Variants in RNF112 observed in about 807,000 individuals in gnomAD.
RNF112 encodes ring finger protein 112.
RNF112 carries 34 observed loss-of-function variants against 64.7 expected under a neutral mutation model. The ratio of observed to expected loss-of-function variants is 0.53; its 90% CI spans 0.40 to 0.70. The LOEUF (loss-of-function observed/expected upper bound fraction) is 0.70. RNF112 is among the 30% of genes least tolerant of loss of function. The pLI, the probability that RNF112 is intolerant of heterozygous loss-of-function variation, is 0.00. For missense variants in RNF112, 734 were observed against 850.0 expected (o/e 0.86, Z 1.70); for synonymous variants, 345 against 344.5 (o/e 1.00, Z -0.02).
chr17:19,414,037 C>T (rs888345197), intron 6 of RNF112, 58 bp from the exon 7 acceptor site: 1 of 1,497,462 alleles, frequency 6.7e-7, no homozygotes, highest in Non-Finnish European at 9.3e-7. Flanking sequence ...AGGGCCTTCC[C>T]CAGTGAAGTC....
chr17:19,411,806 GT>G (rs1913670212), intron 2 of RNF112, 136 bp downstream of exon 2: 3 of 909,148 alleles, frequency 3.3e-6, no homozygotes, highest in Non-Finnish European at 5.1e-6. Flanking sequence ...CCGCCAGGCT[GT>G]GGAGGGAGGG....
Position 19,412,632 on chromosome 17 carries a change from G to C in RNF112, c.230G>C (p.Cys77Ser). 1 of 1,613,500 alleles carries C rather than the reference G, an allele frequency of 6.2e-7. No individual in the cohort carries two copies. The part of the protein sequence containing the change: ...PISLDCGHDF[C>S]IRCFSTHRLP... ...TCGCTGGACTGTGGCCACGACTTCT[G>C]CATACGGTGCTTCAGCACACACCGT... The change falls in exon 3 of 14, where the codon TGC (cysteine) becomes TCC (serine). Residue 77 changes from cysteine (C) to serine (S), a missense_variant. Cys to Ser is a moderately radical substitution (Grantham distance 112). Transcript: ENST00000461366. The surrounding 1 kb of genome is among the most constrained non-coding windows in gnomAD (Gnocchi z 5.1).
Position 19,415,311 on chromosome 17 carries a change from C to G in RNF112, c.1322C>G (p.Thr441Arg). 1 of 1,609,550 alleles carries G rather than the reference C, an allele frequency of 6.2e-7. No homozygotes were observed. The highest frequency in any genetic ancestry group is 8.5e-7 in the Non-Finnish European group (1 of 1,177,862). Residue 441 changes from threonine to arginine, a missense_variant, in exon 12 of 14, where the codon ACA (threonine) becomes AGA (arginine). By Grantham distance (71) the Thr-to-Arg change is moderately conservative. Transcript: ENST00000461366. This position sits in a 1 kb window ranked among gnomAD's most constrained non-coding sequence, Gnocchi z 7.8. The part of the protein sequence containing the change: ...IKNLSGWMGR[T>R]GPGFTSPDEM... ...AACCTCTCAGGATGGATGGGGAGGA[C>G]AGGGCCCGGTTTCACCTCTCCGGAT...
chr17:19,414,337 A>C (rs1003418593), intron 7 of RNF112, 112 bp from the exon 8 acceptor site: 9 of 1,352,296 alleles, frequency 6.7e-6, no homozygotes, highest in African/African-American at 1.4e-5. Flanking sequence ...CAGGCTGCAA[A>C]AGGGGGAGCC....
Position 19,415,355 on chromosome 17 carries a change from G to A in RNF112, c.1350+16G>A, listed in dbSNP as rs1300449927. The A allele has an allele frequency of 1.3e-5, 20 of 1,590,328 alleles. No individual in the cohort carries two copies. Among genetic ancestry groups the A allele is most frequent in the Non-Finnish European group, 1.7e-5 (20 of 1,167,824 alleles). ...TCCGGATGAGGTATGAGCGCTGGGGGATCCAGCATTCTGGCAGGGAGACAG... is the reference window on the plus strand; with the variant it reads ...TCCGGATGAGGTATGAGCGCTGGGGAATCCAGCATTCTGGCAGGGAGACAG... On this transcript the variant is annotated intron_variant, in intron 12 of 13. Coordinates refer to ENST00000461366, the MANE Select transcript of RNF112 (RefSeq NM_007148.5). This position sits in a 1 kb window ranked among gnomAD's most constrained non-coding sequence, Gnocchi z 7.8.
In RNF112 at chr17:19,416,509, CCTG is replaced by C; in HGVS notation, c.*335_*337del. The C allele has an allele frequency of 7.7e-6, 2 of 259,024 alleles. No individual in the cohort carries two copies. The allele number at this position is 259,024 out of a possible 1,614,324, so 16.0% of individuals were successfully genotyped here. A position where few individuals can be genotyped will look rare whatever the true frequency, so the allele number is the denominator to read the frequency against. ...CCACCTGGCTCATTTCCCCGATGAC[CCTG>C]GATTGTAGGAAAGTTAAGCAGGCAC... On this transcript the variant is annotated 3_prime_UTR_variant, in exon 14 of 14. Coordinates refer to ENST00000461366, the MANE Select transcript of RNF112 (RefSeq NM_007148.5).
At position 19,412,211 on chromosome 17, in the gene RNF112, G is replaced by A. The variant is rs1913686724; in HGVS notation, c.96-287G>A. 6.6e-6 allele frequency among the ~76,000 whole-genome samples: 1 copy of A among 152,232 alleles called. No homozygotes were observed. Among genetic ancestry groups the A allele is most frequent in the African/African-American group, 2.4e-5 (1 of 41,468 alleles). ...TTGCTTGCATTTGCATGGCTGGGAT[G>A]TGGTGGAGTCCATTCCACTCAGATT... On this transcript the variant is annotated intron_variant, in intron 2 of 13. Transcript: ENST00000461366. This position sits in a 1 kb window ranked among gnomAD's most constrained non-coding sequence, Gnocchi z 5.1.
chr17:19,412,624 C>T lies in RNF112; in HGVS notation c.222C>T (p.His74=), dbSNP rs368133834. Residue 74 remains histidine, a synonymous_variant, in exon 3 of 14, where the codon CAC becomes CAT. Coordinates refer to ENST00000461366, the MANE Select transcript of RNF112 (RefSeq NM_007148.5). The surrounding 1 kb of genome is among the most constrained non-coding windows in gnomAD (Gnocchi z 5.1). The part of the protein sequence containing the change: ...LRDPISLDCG[H]DFCIRCFSTH... Reference sequence around the variant, plus strand: ...ACCCCATCTCGCTGGACTGTGGCCACGACTTCTGCATACGGTGCTTCAGCA... The same window carrying T: ...ACCCCATCTCGCTGGACTGTGGCCATGACTTCTGCATACGGTGCTTCAGCA... The T allele has an allele frequency of 1.6e-5, 26 of 1,613,458 alleles. No homozygotes were observed. Among genetic ancestry groups the T allele is most frequent in the African/African-American group, 5.3e-5 (4 of 74,894 alleles).
In RNF112 at chr17:19,416,994, G is replaced by T. The variant is rs940362616; in HGVS notation, c.*819G>T. On this transcript the variant is annotated 3_prime_UTR_variant, in exon 14 of 14. Transcript: ENST00000461366. The stretch of plus-strand genomic sequence containing the variant: ...GCTAAGCCAGACAGCCTTTATACTA[G>T]ATTCTATCAAAATCTTGCAAAGGAA... 1.3e-5 allele frequency: 2 copies of T among 151,994 alleles called. No individual in the cohort carries two copies. Among genetic ancestry groups the T allele is most frequent in the African/African-American group, 4.8e-5 (2 of 41,356 alleles). 9.4% of individuals were successfully genotyped at this position (151,994 alleles called of 1,614,324 possible). A position where few individuals can be genotyped will look rare whatever the true frequency, so the allele number is the denominator to read the frequency against.
Position 19,412,557 on chromosome 17 carries a change from G to A in RNF112, c.155G>A (p.Arg52Gln), listed in dbSNP as rs769751999. 21 of 1,613,184 alleles carry A rather than the reference G, an allele frequency of 1.3e-5. No homozygotes were observed. Among genetic ancestry groups the A allele is most frequent in the African/African-American group, 2.7e-5 (2 of 74,828 alleles). The stretch of plus-strand genomic sequence containing the variant: ...CTGGGGCCCCAGCCCATGGCGCCCC[G>A]GGAGCTCCCTACCTGCTCCATCTGC... Reference protein sequence around the residue: ...LGLGPQPMAPRELPTCSICLE... With the variant: ...LGLGPQPMAPQELPTCSICLE... Residue 52 changes from arginine (R) to glutamine (Q), a missense_variant, in exon 3 of 14, where the codon CGG becomes CAG. Physicochemically the swap from Arg to Gln is conservative, Grantham distance 43. Coordinates refer to ENST00000461366, the MANE Select transcript of RNF112 (RefSeq NM_007148.5). The surrounding 1 kb of genome is among the most constrained non-coding windows in gnomAD (Gnocchi z 5.1).
At position 19,413,097 on chromosome 17, in the gene RNF112, G is replaced by A; in HGVS notation, c.541G>A (p.Gly181Arg). The change falls in exon 4 of 14, where the codon GGG (glycine) becomes AGG (arginine). Residue 181 changes from glycine (G) to arginine (R), a missense_variant. Transcript: ENST00000461366. The surrounding 1 kb of genome is among the most constrained non-coding windows in gnomAD (Gnocchi z 5.9). Reference protein sequence around the residue: ...LLAVLGEQHSGKSFLLNHLLQ... With the variant: ...LLAVLGEQHSRKSFLLNHLLQ... The stretch of plus-strand genomic sequence containing the variant: ...CGCTGTCCTGGGGGAGCAGCACTCA[G>A]GGAAGTCCTTCCTCCTCAACCATTT... 1.2e-6 allele frequency: 2 copies of A among 1,613,448 alleles called. No individual in the cohort carries two copies. The highest frequency in any genetic ancestry group is 1.7e-6 in the Non-Finnish European group (2 of 1,179,832).
chr17:19,415,278 C>T lies in RNF112; in HGVS notation c.1297-8C>T, dbSNP rs1913835331. The T allele has an allele frequency of 6.2e-7, 1 of 1,604,506 alleles. No individual in the cohort carries two copies. Among genetic ancestry groups the T allele is most frequent in the South Asian group, 1.1e-5 (1 of 89,946 alleles). Reference sequence around the variant, plus strand: ...CTCTCCCTGACCCCAGCGATGGTATCTCCGCAGAACCTCTCAGGATGGATG... The same window carrying T: ...CTCTCCCTGACCCCAGCGATGGTATTTCCGCAGAACCTCTCAGGATGGATG... On this transcript the variant is annotated splice_polypyrimidine_tract_variant and splice_region_variant and intron_variant, in intron 11 of 13. Transcript: ENST00000461366. The surrounding 1 kb of genome is among the most constrained non-coding windows in gnomAD (Gnocchi z 7.8).
intron 7 of RNF112, 147 bp downstream of exon 7, chr17:19,414,292 A>C: frequency 8.9e-7 from 1 of 1,120,200 alleles, no homozygotes; most frequent in Non-Finnish European, 1.3e-6. Flanking sequence ...GAGTAAAGCA[A>C]GAGATGTGTG....
chr17:19,415,835 A>G lies in RNF112; in HGVS notation c.1556A>G (p.Gln519Arg). The change falls in exon 14 of 14, where the codon CAG becomes CGG. Residue 519 changes from glutamine to arginine, a missense_variant. Physicochemically the swap from Gln to Arg is conservative, Grantham distance 43. Transcript: ENST00000461366. This position sits in a 1 kb window ranked among gnomAD's most constrained non-coding sequence, Gnocchi z 7.8. ...GVALLCKGRDQTLEALEAELQ... is the reference protein window; with the variant it reads ...GVALLCKGRDRTLEALEAELQ... ...GCCTTACTCTGCAAGGGGAGAGATC[A>G]GACCTTGGAGGCACTGGAAGCTGAG... 1 of 1,613,832 alleles carries G rather than the reference A, an allele frequency of 6.2e-7. No homozygotes were observed. Among genetic ancestry groups the G allele is most frequent in the Non-Finnish European group, 8.5e-7 (1 of 1,179,888 alleles).
Position 19,414,805 on chromosome 17 carries a change from G to A in RNF112, c.1044G>A (p.Leu348=). 6.2e-7 allele frequency: 1 copy of A among 1,613,712 alleles called. No individual in the cohort carries two copies. Among genetic ancestry groups the A allele is most frequent in the Non-Finnish European group, 8.5e-7 (1 of 1,179,842 alleles). ...LSGRYPKVQE[L]LQGKRARCCL... ...GCAGATACCCCAAGGTGCAGGAGCT[G>A]CTGCAAGGGAAGCGAGCCCGTTGCT... Residue 348 remains leucine, a synonymous_variant, in exon 10 of 14, where the codon CTG becomes CTA. Transcript: ENST00000461366.
rs1166222631 is a variant in RNF112, at chr17:19,414,787, C to T, written c.1026C>T (p.Tyr342=). 1.2e-6 allele frequency: 2 copies of T among 1,613,442 alleles called. No homozygotes were observed. Among genetic ancestry groups the T allele is most frequent in the Non-Finnish European group, 1.7e-6 (2 of 1,179,832 alleles). ...CCTCACAGAGATTGTCTGGCAGATA[C>T]CCCAAGGTGCAGGAGCTGCTGCAAG... The part of the protein sequence containing the change: ...GNIFQRLSGR[Y]PKVQELLQGK... Residue 342 remains tyrosine (Y), a synonymous_variant, in exon 10 of 14, where the codon TAC becomes TAT. Transcript: ENST00000461366.
intron 1 of RNF112, 26 bp from the exon 2 acceptor site, chr17:19,411,604 C>CTTTT: frequency 3.5e-6 from 5 of 1,413,926 alleles, no homozygotes; most frequent in Admixed American, 2.3e-5. Context: ...TGTTCTAAAT[C>CTTTT]TTTTTTTTTT....
At chr17:19,414,528 C>A in intron 8 of RNF112, 23 bp downstream of exon 8, 1 of 1,613,964 alleles carries the variant, frequency 6.2e-7, no homozygotes, top group Non-Finnish European at 8.5e-7. Flanking sequence ...TCTCTGGATT[C>A]ATTGGCCCCA....
chr17:19,414,070 T>A, intron 6 of RNF112, 25 bp from the exon 7 acceptor site: 1 of 1,596,146 alleles, frequency 6.3e-7, no homozygotes, highest in East Asian at 2.3e-5. Context: ...TAATCTCTCA[T>A]ACATGTTGTT....
Sources: allele counts gnomAD v4.1 joint callset (sites outside exome capture counted in the v4.1 genomes callset), GRCh38; gene constraint gnomAD v4.1.1; non-coding constraint Gnocchi (gnomAD v3.1); transcripts MANE v1.5; gene names NCBI Gene and HGNC (gene_info 2026-07-23, HGNC 2026-07-21).